Variants in SDK1 observed in about 807,000 individuals in gnomAD.
The protein encoded by SDK1 is sidekick cell adhesion molecule 1, also known as protein sidekick-1.
A neutral mutation model predicts 245.5 loss-of-function variants in SDK1; 157 were observed. That is an observed-to-expected ratio of 0.64 (90% confidence interval 0.56 to 0.73). The LOEUF (loss-of-function observed/expected upper bound fraction) is 0.73, where lower values mean the gene tolerates loss of function less well. Among genes scored for constraint, SDK1 ranks in the 30% least tolerant of loss-of-function variants. The pLI is 0.00. For missense variants in SDK1, 3,583 were observed against 3,002.3 expected (o/e 1.19, Z -4.52); for synonymous variants, 1,647 against 1,278.5 (o/e 1.29, Z -6.15).
In SDK1 at chr7:3,410,725, T is replaced by C. The variant is rs1035304338; in HGVS notation, c.298+108841T>C. On this transcript the variant is annotated intron_variant, in intron 1 of 44. Transcript: ENST00000404826. Reference sequence around the variant, plus strand: ...CCTCAGCCTTCTAAGTAGCTGGGGTTACAGGCACACACTACCATGCCCAAC... The same window carrying C: ...CCTCAGCCTTCTAAGTAGCTGGGGTCACAGGCACACACTACCATGCCCAAC... Among the ~76,000 whole-genome samples the C allele has an allele frequency of 2.0e-5, 3 of 151,940 alleles. No individual in the cohort carries two copies. In the South Asian group the frequency reaches 6.2e-4, roughly 32 times the overall value.
chr7:3,481,462 C>G (rs751383045), intron 1 of SDK1, among the ~76,000 whole-genome samples: 6 of 152,238 alleles, frequency 3.9e-5, no homozygotes, highest in Non-Finnish European at 4.4e-5. Flanking sequence ...ACACGCTGTT[C>G]TGTGCTCCCA....
chr7:3,557,530 A>G (rs1779625907), intron 1 of SDK1, among the ~76,000 whole-genome samples: 2 of 152,208 alleles, frequency 1.3e-5, no homozygotes, highest in Non-Finnish European at 2.9e-5. Context: ...AGGAACCCAC[A>G]CATGTGCTAA....
intron 1 of SDK1, among the ~76,000 whole-genome samples, chr7:3,346,807 G>GTGTGTA (rs796252256): frequency 5.0e-4 from 21 of 42,228 alleles, no homozygotes; most frequent in African/African-American, 1.4e-3. Flanking sequence ...GTGTGTGTGT[G>GTGTGTA]TATATATATA....
intron 5 of SDK1, among the ~76,000 whole-genome samples, chr7:3,877,666 A>T (rs118017312): frequency 3.3e-5 from 5 of 152,362 alleles, no homozygotes; most frequent in Non-Finnish European, 7.3e-5. Context: ...CACAGAGTTA[A>T]CCACTGTTAA....
rs1250924486 is a variant in SDK1, at chr7:4,110,667, G to T, written c.3329G>T (p.Gly1110Val). ...ISRWIVEGQVGAIGDEEEWVT... is the reference protein window; with the variant it reads ...ISRWIVEGQVVAIGDEEEWVT... The stretch of plus-strand genomic sequence containing the variant: ...TCAGTGTCTCCCTCTGCACAGGTGG[G>T]AGCTATCGGCGACGAGGAGGAGTGG... Residue 1110 changes from glycine (G) to valine (V), a missense_variant, in exon 23 of 45, where the codon GGA becomes GTA. By Grantham distance (109) the Gly-to-Val change is moderately radical. Transcript: ENST00000404826. The T allele has an allele frequency of 1.2e-6, 2 of 1,610,768 alleles. No individual in the cohort carries two copies. Among genetic ancestry groups the T allele is most frequent in the South Asian group, 1.1e-5 (1 of 90,980 alleles).
rs1484535532 is a variant in SDK1, at chr7:3,896,884, G to C, written c.848-54039G>C. Reference sequence around the variant, plus strand: ...TGCTATAAATAACTACCTGAGACTGGGTAATTTATAAAGAGAAGAGGTAGA... The same window carrying C: ...TGCTATAAATAACTACCTGAGACTGCGTAATTTATAAAGAGAAGAGGTAGA... On this transcript the variant is annotated intron_variant, in intron 5 of 44. Transcript: ENST00000404826. Among the ~76,000 whole-genome samples the C allele has an allele frequency of 2.0e-5, 3 of 152,098 alleles. No homozygotes were observed. In the East Asian group the frequency reaches 5.8e-4, roughly 29 times the overall value.
chr7:3,955,717 A>G (rs1781206944), intron 7 of SDK1, among the ~76,000 whole-genome samples: 1 of 152,252 alleles, frequency 6.6e-6, no homozygotes, highest in African/African-American at 2.4e-5. Context: ...CTCAGAAGCC[A>G]AATCCCAGCA....
intron 5 of SDK1, among the ~76,000 whole-genome samples, chr7:3,828,704 T>G (rs1221529482): frequency 7.0e-6 from 1 of 143,664 alleles, no homozygotes; most frequent in African/African-American, 2.6e-5. Flanking sequence ...TGGACTGGAG[T>G]GCAGTAGTGA....
At position 4,159,654 on chromosome 7, in the gene SDK1, C is replaced by A. The variant is rs138874603; in HGVS notation, c.4729+1103C>A. Among the ~76,000 whole-genome samples, 13 of 152,336 alleles carry A rather than the reference C, an allele frequency of 8.5e-5. No individual in the cohort carries two copies. In the South Asian group the frequency reaches 2.7e-3, roughly 32 times the overall value. On this transcript the variant is annotated intron_variant, in intron 31 of 44. Transcript: ENST00000404826. ...GGGGTGGTCCAGGGCCCTAGTGAGCCCTGCTGGGCCCTGAGGAGCCGGGCT... is the reference window on the plus strand; with the variant it reads ...GGGGTGGTCCAGGGCCCTAGTGAGCACTGCTGGGCCCTGAGGAGCCGGGCT...
chr7:4,137,889 A>G (rs1025095441), intron 28 of SDK1, among the ~76,000 whole-genome samples: 2 of 152,222 alleles, frequency 1.3e-5, no homozygotes, highest in Non-Finnish European at 2.9e-5. Context: ...TAAAAATGCA[A>G]GGACTGCTAC....
At position 3,758,409 on chromosome 7, in the gene SDK1, G is replaced by A. The variant is rs140489052; in HGVS notation, c.714-63041G>A. ...TCAATCATTTATTTATATCATTTTG[G>A]ATATATGAATATTTATGTTATTCTC... On this transcript the variant is annotated intron_variant, in intron 4 of 44. Transcript: ENST00000404826. 1.6e-3 allele frequency among the ~76,000 whole-genome samples: 247 copies of A among 152,062 alleles called. 5 individuals are homozygous for A. In the East Asian group the frequency reaches 0.035, roughly 21 times the overall value.
chr7:4,259,691 C>T (rs1004553930), intron 44 of SDK1, among the ~76,000 whole-genome samples: 1 of 152,172 alleles, frequency 6.6e-6, no homozygotes. Context: ...GCCAGGTTAG[C>T]TCAAGTCAGC....
chr7:3,627,803 T>A (rs1013933522), intron 2 of SDK1, among the ~76,000 whole-genome samples: 1 of 152,338 alleles, frequency 6.6e-6, no homozygotes, highest in Admixed American at 6.5e-5. Flanking sequence ...GAGTGCCTTA[T>A]CTGAAGTGGA....
At chr7:4,152,497 C>T (rs1305769134) in intron 30 of SDK1, among the ~76,000 whole-genome samples, 1 of 152,206 alleles carries the variant, frequency 6.6e-6, no homozygotes, top group East Asian at 1.9e-4. Context: ...AAATATCCAG[C>T]CACTATTCCT....
chr7:3,760,779 G>C (rs1780073986), intron 4 of SDK1, among the ~76,000 whole-genome samples: 1 of 152,154 alleles, frequency 6.6e-6, no homozygotes, highest in Non-Finnish European at 1.5e-5. Context: ...TTCTCAGTAG[G>C]CAATATCATT....
intron 17 of SDK1, among the ~76,000 whole-genome samples, chr7:4,020,843 C>T (rs978628502): frequency 7.2e-5 from 11 of 152,192 alleles, no homozygotes; most frequent in Admixed American, 6.5e-4. Flanking sequence ...GGCATTTACA[C>T]CTGTCCTGAC....
intron 5 of SDK1, among the ~76,000 whole-genome samples, chr7:3,908,614 A>C (rs1351579162): frequency 6.6e-6 from 1 of 152,046 alleles, no homozygotes; most frequent in Non-Finnish European, 1.5e-5. Flanking sequence ...AATATTCCGC[A>C]AGTACTCATC....
chr7:3,925,390 G>A (rs1041515242), intron 5 of SDK1, among the ~76,000 whole-genome samples: 1 of 152,310 alleles, frequency 6.6e-6, no homozygotes, highest in South Asian at 2.1e-4. Flanking sequence ...TTTAGGAATC[G>A]CAGTCAGTGA....
chr7:4,181,683 T>A (rs1782611832), intron 35 of SDK1, among the ~76,000 whole-genome samples: 2 of 152,186 alleles, frequency 1.3e-5, no homozygotes, highest in Non-Finnish European at 2.9e-5. Flanking sequence ...CTCTGCCACC[T>A]GCACCCTTTG....
Sources: allele counts gnomAD v4.1 joint callset (sites outside exome capture counted in the v4.1 genomes callset), GRCh38; gene constraint gnomAD v4.1.1; transcripts MANE v1.5; gene names NCBI Gene and HGNC (gene_info 2026-07-23, HGNC 2026-07-21).